SSBP2: variants seen among roughly 807,000 people sequenced by gnomAD.
SSBP2 encodes the protein single-stranded DNA-binding protein 2.
A neutral mutation model predicts 61.8 loss-of-function variants in SSBP2; 17 were observed. The ratio of observed to expected loss-of-function variants is 0.28; its 90% CI spans 0.19 to 0.41. The LOEUF is 0.41. Ranked by LOEUF, SSBP2 falls within the 10% of genes least tolerant of loss-of-function variation. SSBP2 has a pLI of 1.00. For missense variants in SSBP2, 310 were observed against 458.7 expected, an observed-to-expected ratio of 0.68 and a Z score of 2.96; for synonymous variants, 139 against 141.3, an observed-to-expected ratio of 0.98 and a Z score of 0.12.
intron 1 of SSBP2, among the ~76,000 whole-genome samples, chr5:81,703,185 T>C (rs995386718): frequency 6.6e-6 from 1 of 152,252 alleles, no homozygotes; most frequent in African/African-American, 2.4e-5. Flanking sequence ...CATAGCCTTT[T>C]CTAATTAATT....
At chr5:81,731,472 A>T (rs1756261450) in intron 1 of SSBP2, among the ~76,000 whole-genome samples, 3 of 152,176 alleles carry the variant, frequency 2.0e-5, no homozygotes, top group African/African-American at 7.2e-5. Context: ...AAGAGAAAAG[A>T]TTTCCTGGCG....
chr5:81,701,167 G>T (rs1194673255), intron 1 of SSBP2, among the ~76,000 whole-genome samples: 1 of 152,200 alleles, frequency 6.6e-6, no homozygotes, highest in Non-Finnish European at 1.5e-5. Flanking sequence ...AGAGGCCATT[G>T]TAGGTTATTA....
intron 1 of SSBP2, 135 bp downstream of exon 1, chr5:81,750,846 G>C (rs1003011830): frequency 4.1e-6 from 4 of 974,786 alleles, no homozygotes; most frequent in Middle Eastern, 3.0e-4. Context: ...CCCCCATCGC[G>C]GCACCCCTCC....
intron 1 of SSBP2, among the ~76,000 whole-genome samples, chr5:81,691,061 C>T (rs1319306824): frequency 6.6e-6 from 1 of 151,990 alleles, no homozygotes; most frequent in Non-Finnish European, 1.5e-5. Context: ...CTGTGGGATA[C>T]AGCGAAAGCC....
rs1388319015 is a variant in SSBP2, at chr5:81,413,178, A to T, written c.*7326T>A. On this transcript the variant is annotated 3_prime_UTR_variant, in exon 17 of 17. Coordinates refer to ENST00000320672, the MANE Select transcript of SSBP2 (RefSeq NM_012446.5). ...GTGAAAACGTGCCAAATTAAGGGTC[A>T]TTTATGTACATCTTTATGGCAACTT... The T allele has an allele frequency of 6.6e-6, 1 of 152,238 alleles. No homozygotes were observed. The highest frequency in any genetic ancestry group is 2.4e-5 in the African/African-American group (1 of 41,476). The allele number at this position is 152,238 out of a possible 1,614,324, so 9.4% of individuals were successfully genotyped here. A position where few individuals can be genotyped will look rare whatever the true frequency, so the allele number is the denominator to read the frequency against.
In SSBP2 at chr5:81,430,356, G is replaced by T. The variant is rs75282928; in HGVS notation, c.958-1673C>A. Among the ~76,000 whole-genome samples the T allele has an allele frequency of 5.4e-3, 828 of 152,248 alleles. 10 individuals carry two copies. The highest frequency in any genetic ancestry group is 0.019 in the African/African-American group (781 of 41,554). On this transcript the variant is annotated intron_variant, in intron 15 of 16. Coordinates refer to ENST00000320672, the MANE Select transcript of SSBP2 (RefSeq NM_012446.5). The stretch of plus-strand genomic sequence containing the variant: ...ATATATAAGAAAATTCAAGGATGCA[G>T]TTGGAAGCTGCATATTTCACACAGT...
In SSBP2 at chr5:81,751,051, C is replaced by A. The variant is rs776523796; in HGVS notation, c.-9G>T. On this transcript the variant is annotated 5_prime_UTR_variant, in exon 1 of 17. Coordinates refer to ENST00000320672, the MANE Select transcript of SSBP2 (RefSeq NM_012446.5). Reference sequence around the variant, plus strand: ...TTGCCTTTGCCGTACATGCTTGTGCCGAGAGCAGCTCCCACTGTCACGCAC... The same window carrying A: ...TTGCCTTTGCCGTACATGCTTGTGCAGAGAGCAGCTCCCACTGTCACGCAC... 20 of 1,588,454 alleles carry A rather than the reference C, an allele frequency of 1.3e-5. No homozygotes were observed. In the South Asian group the frequency reaches 1.8e-4, roughly 15 times the overall value.
At chr5:81,578,445 A>T (rs1346339934) in intron 4 of SSBP2, among the ~76,000 whole-genome samples, 1 of 152,008 alleles carries the variant, frequency 6.6e-6, no homozygotes, top group African/African-American at 2.4e-5. Flanking sequence ...ATAAAAAGTC[A>T]TCATATAATT....
intron 4 of SSBP2, among the ~76,000 whole-genome samples, chr5:81,548,838 C>A (rs906461507): frequency 6.6e-6 from 1 of 152,114 alleles, no homozygotes; most frequent in Non-Finnish European, 1.5e-5. Context: ...AGAAGACTGG[C>A]GTGAACCCAG....
At chr5:81,535,183 C>A (rs1375379080) in intron 4 of SSBP2, among the ~76,000 whole-genome samples, 2 of 151,738 alleles carry the variant, frequency 1.3e-5, no homozygotes, top group Admixed American at 1.3e-4. Context: ...CATTATTACC[C>A]CAAAAGATGA....
intron 4 of SSBP2, among the ~76,000 whole-genome samples, chr5:81,520,659 A>C (rs1010513920): frequency 6.6e-6 from 1 of 152,096 alleles, no homozygotes; most frequent in Non-Finnish European, 1.5e-5. Flanking sequence ...TGGTCTAATC[A>C]ATGATTGTTA....
At chr5:81,585,252 CT>C (rs1047875377) in intron 4 of SSBP2, among the ~76,000 whole-genome samples, 4 of 151,976 alleles carry the variant, frequency 2.6e-5, no homozygotes, top group South Asian at 2.1e-4. Context: ...ATCCTTTGCC[CT>C]TTTTTTCTAC....
chr5:81,422,261 T>C (rs1761661519), intron 16 of SSBP2, among the ~76,000 whole-genome samples: 4 of 152,068 alleles, frequency 2.6e-5, no homozygotes, highest in Admixed American at 1.3e-4. Flanking sequence ...ATAGACAAGC[T>C]GAGACCGGCT....
chr5:81,551,798 T>A (rs1365387872), intron 4 of SSBP2, among the ~76,000 whole-genome samples: 4 of 152,186 alleles, frequency 2.6e-5, no homozygotes, highest in African/African-American at 4.8e-5. Flanking sequence ...CAGTTACAAT[T>A]TATGCTTATT....
intron 4 of SSBP2, among the ~76,000 whole-genome samples, chr5:81,600,641 T>C (rs993815432): frequency 5.4e-5 from 8 of 149,236 alleles, no homozygotes; most frequent in African/African-American, 2.0e-4. Flanking sequence ...GGCGTTGTGA[T>C]AAATAATTCA....
intron 5 of SSBP2, among the ~76,000 whole-genome samples, chr5:81,511,856 C>T (rs930272274): frequency 3.3e-5 from 5 of 152,138 alleles, no homozygotes; most frequent in Admixed American, 1.3e-4. Flanking sequence ...TATAGTAGTA[C>T]TCAAATATTT....
intron 4 of SSBP2, among the ~76,000 whole-genome samples, chr5:81,575,793 TA>T (rs2153458209): frequency 6.6e-6 from 1 of 152,238 alleles, no homozygotes; most frequent in South Asian, 2.1e-4. Context: ...ACAAGATATA[TA>T]TTGTGCAGAC....
intron 4 of SSBP2, among the ~76,000 whole-genome samples, chr5:81,597,477 A>C (rs1472909378): frequency 6.6e-6 from 1 of 152,184 alleles, no homozygotes; most frequent in Non-Finnish European, 1.5e-5. Flanking sequence ...AGAACTAGAA[A>C]TACCATTTGA....
chr5:81,448,732 T>C (rs1339559937), intron 11 of SSBP2, 58 bp downstream of exon 11: 1 of 1,540,780 alleles, frequency 6.5e-7, no homozygotes, highest in Non-Finnish European at 9.0e-7. Context: ...AACTGTTTCA[T>C]TGCCCAAATA....
Sources: gnomAD v4.1 joint callset for allele counts (sites outside exome capture counted in the v4.1 genomes callset) on GRCh38, gnomAD v4.1.1 for gene constraint, MANE v1.5 for transcripts, NCBI Gene and HGNC (gene_info 2026-07-23, HGNC 2026-07-21) for gene names.